The following ZNF804B variants were observed in gnomAD, a reference collection of about 807,000 sequenced individuals.
ZNF804B encodes the protein zinc finger protein 804B, also known as zinc finger 804B.
A neutral mutation model predicts 101.4 loss-of-function variants in ZNF804B; 80 were observed. The ratio of observed to expected loss-of-function variants is 0.79; its 90% CI spans 0.66 to 0.95. The LOEUF (loss-of-function observed/expected upper bound fraction) is 0.95. Ranked by LOEUF, ZNF804B falls within the 40% of genes least tolerant of loss-of-function variation. The probability of loss-of-function intolerance (pLI) is 0.00; values close to 1 mark genes in which losing one functional copy is unlikely to be tolerated. For missense variants in ZNF804B, 1,673 were observed against 1,561.9 expected (o/e 1.07, Z -1.20); for synonymous variants, 622 against 558.8 (o/e 1.11, Z -1.59).
chr7:88,807,009 T>C (rs1252918709), intron 1 of ZNF804B, among the ~76,000 whole-genome samples: 1 of 152,226 alleles, frequency 6.6e-6, no homozygotes, highest in African/African-American at 2.4e-5. Context: ...TCTGGCCTAG[T>C]GTATATCTTC....
intron 1 of ZNF804B, among the ~76,000 whole-genome samples, chr7:89,202,022 A>G (rs1166127650): frequency 2.6e-5 from 4 of 151,978 alleles, no homozygotes; most frequent in Admixed American, 6.6e-5. Flanking sequence ...TTTGTATCTT[A>G]TGAATTAATC....
At chr7:89,326,649 G>C (rs1393776690) in intron 2 of ZNF804B, among the ~76,000 whole-genome samples, 1 of 151,984 alleles carries the variant, frequency 6.6e-6, no homozygotes, top group Non-Finnish European at 1.5e-5. Context: ...GCTGTGCTTA[G>C]TGGCAGATTC....
chr7:88,761,946 A>G (rs1039024679), intron 1 of ZNF804B, among the ~76,000 whole-genome samples: 18 of 152,160 alleles, frequency 1.2e-4, no homozygotes, highest in Admixed American at 2.6e-4. Flanking sequence ...TGGATGTGTG[A>G]ATGTGGATGG....
chr7:89,335,056 G>C lies in ZNF804B; in HGVS notation c.2074G>C (p.Gly692Arg). ...ISMTSKVSGC[G>R]NQRYKRYSPQ... ...CATGACCAGCAAGGTTTCCGGATGT[G>C]GAAACCAAAGATACAAGAGATACTC... Residue 692 changes from glycine (G) to arginine (R), a missense_variant, in exon 4 of 4, where the codon GGA (glycine) becomes CGA (arginine). By Grantham distance (125) the Gly-to-Arg change is moderately radical. Transcript: ENST00000333190. 1 of 1,613,706 alleles carries C rather than the reference G, an allele frequency of 6.2e-7. No individual in the cohort carries two copies. The highest frequency in any genetic ancestry group is 8.5e-7 in the Non-Finnish European group (1 of 1,179,890).
chr7:88,800,042 C>A (rs13231281), intron 1 of ZNF804B, among the ~76,000 whole-genome samples: 39,840 of 151,778 alleles, frequency 0.26, 5,790 homozygotes, highest in East Asian at 0.4. Flanking sequence ...CAGGTCCTAG[C>A]GAAACAAAAC....
chr7:89,034,942 T>C (rs776793502), intron 1 of ZNF804B, among the ~76,000 whole-genome samples: 10 of 152,146 alleles, frequency 6.6e-5, no homozygotes, highest in Non-Finnish European at 1.3e-4. Flanking sequence ...TGATCACCAC[T>C]GAGATGTTAG....
At chr7:89,049,336 G>A (rs1210319556) in intron 1 of ZNF804B, among the ~76,000 whole-genome samples, 9 of 152,164 alleles carry the variant, frequency 5.9e-5, no homozygotes, top group Non-Finnish European at 1.0e-4. Context: ...CAACTGAGAA[G>A]TGTGAATGAT....
chr7:88,860,512 CAAAT>C (rs758500516), intron 1 of ZNF804B, among the ~76,000 whole-genome samples: 2 of 152,046 alleles, frequency 1.3e-5, no homozygotes, highest in African/African-American at 2.4e-5. Context: ...TTCATATTCA[CAAAT>C]AAATAATCTC....
intron 1 of ZNF804B, among the ~76,000 whole-genome samples, chr7:88,897,151 T>C (rs1163816569): frequency 6.6e-6 from 1 of 152,188 alleles, no homozygotes; most frequent in Non-Finnish European, 1.5e-5. Flanking sequence ...GTGCATGTGT[T>C]ACCTTACGTA....
At chr7:88,847,837 T>C (rs187754736) in intron 1 of ZNF804B, among the ~76,000 whole-genome samples, 1 of 152,276 alleles carries the variant, frequency 6.6e-6, no homozygotes, top group Admixed American at 6.5e-5. Flanking sequence ...TGTTTTTCAG[T>C]AGTTGCTTTG....
intron 1 of ZNF804B, among the ~76,000 whole-genome samples, chr7:89,142,025 C>T (rs1790725901): frequency 6.6e-6 from 1 of 151,576 alleles, no homozygotes; most frequent in South Asian, 2.1e-4. Flanking sequence ...GTAACCATGT[C>T]AATGCTATCT....
intron 1 of ZNF804B, among the ~76,000 whole-genome samples, chr7:88,844,835 T>C (rs1274390369): frequency 6.6e-6 from 1 of 152,220 alleles, no homozygotes; most frequent in Non-Finnish European, 1.5e-5. Flanking sequence ...CACATAATTT[T>C]GAGATTTATA....
intron 1 of ZNF804B, among the ~76,000 whole-genome samples, chr7:88,976,805 C>G (rs1793620641): frequency 6.6e-6 from 1 of 151,550 alleles, no homozygotes; most frequent in Non-Finnish European, 1.5e-5. Flanking sequence ...GCATCTGTTT[C>G]AGGTTTCATA....
chr7:89,311,389 T>A (rs376106082), intron 2 of ZNF804B, among the ~76,000 whole-genome samples: 1 of 152,224 alleles, frequency 6.6e-6, no homozygotes, highest in South Asian at 2.1e-4. Flanking sequence ...TGAGAAAGTG[T>A]CTGAATTTTT....
intron 1 of ZNF804B, among the ~76,000 whole-genome samples, chr7:88,915,014 TTA>T (rs979926480): frequency 2.0e-5 from 3 of 152,146 alleles, no homozygotes; most frequent in Non-Finnish European, 4.4e-5. Context: ...ATATAGCACA[TTA>T]TCTCTTCCCA....
intron 1 of ZNF804B, among the ~76,000 whole-genome samples, chr7:88,952,882 A>G (rs559472449): frequency 4.6e-5 from 7 of 151,830 alleles, no homozygotes; most frequent in Non-Finnish European, 1.0e-4. Flanking sequence ...GATACATGGA[A>G]GAGTGGCAAC....
intron 1 of ZNF804B, among the ~76,000 whole-genome samples, chr7:88,871,427 AAAT>A (rs1791821606): frequency 6.6e-6 from 1 of 152,106 alleles, no homozygotes; most frequent in South Asian, 2.1e-4. Context: ...AAAAACCTGA[AAAT>A]AGTAGAGGAA....
rs752608360 is a variant in ZNF804B, at chr7:89,336,067, G to A, written c.3085G>A (p.Gly1029Ser). Residue 1029 changes from glycine (G) to serine (S), a missense_variant, in exon 4 of 4, where the codon GGT becomes AGT. Transcript: ENST00000333190. ...TGATTGTGATAACCATCTTTCTAAA[G>A]GTATAATTCACCTAGTAACAGAGTC... ...DTDCDNHLSK[G>S]IIHLVTESQS... 1 of 1,613,854 alleles carries A rather than the reference G, an allele frequency of 6.2e-7. No individual in the cohort carries two copies.
chr7:88,916,207 C>T (rs1167115700), intron 1 of ZNF804B, among the ~76,000 whole-genome samples: 1 of 152,000 alleles, frequency 6.6e-6, no homozygotes, highest in Non-Finnish European at 1.5e-5. Flanking sequence ...ATTAATAGAA[C>T]TAGATCCCAC....
Sources: gnomAD v4.1 joint callset for allele counts (sites outside exome capture counted in the v4.1 genomes callset) on GRCh38, gnomAD v4.1.1 for gene constraint, MANE v1.5 for transcripts, NCBI Gene and HGNC (gene_info 2026-07-23, HGNC 2026-07-21) for gene names.